PRMT9: variants seen among roughly 807,000 people sequenced by gnomAD.
PRMT9 encodes the protein protein arginine methyltransferase 9.
Under a neutral mutation model 83.2 loss-of-function variants are expected in PRMT9, and 59 were observed. That is an observed-to-expected ratio of 0.71 (90% CI 0.57 to 0.88). The LOEUF is 0.88. Among genes scored for constraint, PRMT9 ranks in the 40% least tolerant of loss-of-function variants. The probability of loss-of-function intolerance (pLI) is 0.00; values close to 1 mark genes in which losing one functional copy is unlikely to be tolerated. For synonymous variants in PRMT9, 333 were observed against 353.2 expected (o/e 0.94, Z 0.64); for missense variants, 947 against 1,021.9 (o/e 0.93, Z 1.00).
In PRMT9 at chr4:147,680,345, T is replaced by C; in HGVS notation, c.316A>G (p.Ser106Gly). Reference protein sequence around the residue: ...LFPDDEVICNSMGEHLFRMGF... With the variant: ...LFPDDEVICNGMGEHLFRMGF... Reference sequence around the variant, plus strand: ...AACCTGAAGAGATGCTCCCCCATACTATTGCAAATCACTTCATCATCAGGA... The same window carrying C: ...AACCTGAAGAGATGCTCCCCCATACCATTGCAAATCACTTCATCATCAGGA... The change falls in exon 2 of 12, where the codon AGT becomes GGT. Residue 106 changes from serine to glycine, a missense_variant. Physicochemically the swap from Ser to Gly is moderately conservative, Grantham distance 56. Coordinates refer to ENST00000322396, the MANE Select transcript of PRMT9 (RefSeq NM_138364.4). 1 of 1,614,124 alleles carries C rather than the reference T, an allele frequency of 6.2e-7. No individual in the cohort carries two copies. The highest frequency in any genetic ancestry group is 8.5e-7 in the Non-Finnish European group (1 of 1,179,970).
Position 147,673,142 on chromosome 4 carries a change from G to A in PRMT9, c.576-16C>T, listed in dbSNP as rs752172922. 1 of 1,612,826 alleles carries A rather than the reference G, an allele frequency of 6.2e-7. No individual in the cohort carries two copies. ...AGCAAACATGCTACAAGGGAAAAAA[G>A]TTCTCCATCAAGAAAAAATAATCTA... On this transcript the variant is annotated splice_polypyrimidine_tract_variant and intron_variant, in intron 3 of 11. Transcript: ENST00000322396.
chr4:147,680,249 T>G, intron 2 of PRMT9, 74 bp downstream of exon 2: 1 of 1,382,136 alleles, frequency 7.2e-7, no homozygotes, highest in East Asian at 2.3e-5. Context: ...CCTGTTAAAA[T>G]TACAGTATGA....
chr4:147,642,212 T>C (rs1484923213), intron 10 of PRMT9, among the ~76,000 whole-genome samples: 1 of 152,170 alleles, frequency 6.6e-6, no homozygotes, highest in African/African-American at 2.4e-5. Flanking sequence ...TTCTTCCATT[T>C]ATGACAGTGA....
At chr4:147,646,451 G>A (rs1171009594) in intron 9 of PRMT9, among the ~76,000 whole-genome samples, 1 of 152,076 alleles carries the variant, frequency 6.6e-6, no homozygotes, top group East Asian at 1.9e-4. Flanking sequence ...TGTAATCTAT[G>A]GGAGAAAGAG....
Position 147,638,558 on chromosome 4 carries a change from T to A in PRMT9, c.2512A>T (p.Asn838Tyr). ...LVLSIQHHKS[N>Y]VSITVKQ ...CATTGCTTTACTGTGATGCTGACATTGCTTTTGTGATGCTGAATGCTGAGT... is the reference window on the plus strand; with the variant it reads ...CATTGCTTTACTGTGATGCTGACATAGCTTTTGTGATGCTGAATGCTGAGT... The change falls in exon 12 of 12, where the codon AAT (asparagine) becomes TAT (tyrosine). Residue 838 changes from asparagine to tyrosine, a missense_variant. Transcript: ENST00000322396. 1 of 1,613,834 alleles carries A rather than the reference T, an allele frequency of 6.2e-7. No individual in the cohort carries two copies. The highest frequency in any genetic ancestry group is 8.5e-7 in the Non-Finnish European group (1 of 1,179,804).
Position 147,668,622 on chromosome 4 carries a change from A to G in PRMT9, c.870T>C (p.Cys290=), listed in dbSNP as rs778197983. ...QPKTKGESAN[C]EKYGKVIPAS... Reference sequence around the variant, plus strand: ...CTGGTATAACTTTCCCATACTTTTCACAATTAGCACTTTCACCTTTGGTCT... The same window carrying G: ...CTGGTATAACTTTCCCATACTTTTCGCAATTAGCACTTTCACCTTTGGTCT... The change falls in exon 6 of 12, where the codon TGT becomes TGC. Residue 290 remains cysteine, a synonymous_variant. Coordinates refer to ENST00000322396, the MANE Select transcript of PRMT9 (RefSeq NM_138364.4). 13 of 1,609,924 alleles carry G rather than the reference A, an allele frequency of 8.1e-6. No individual in the cohort carries two copies. In the Admixed American group the frequency reaches 2.0e-4, roughly 25 times the overall value.
At chr4:147,667,134 G>A (rs1263150661) in intron 6 of PRMT9, among the ~76,000 whole-genome samples, 3 of 152,114 alleles carry the variant, frequency 2.0e-5, no homozygotes, top group Non-Finnish European at 4.4e-5. Flanking sequence ...CTTTTCTGGT[G>A]GGCAATGCAG....
At chr4:147,661,372 C>G in intron 6 of PRMT9, 1 of 217,416 alleles carries the variant, frequency 4.6e-6, no homozygotes, top group South Asian at 1.2e-4. Context: ...AAAATTCCTA[C>G]ATATCAATAA....
intron 8 of PRMT9, among the ~76,000 whole-genome samples, chr4:147,655,366 T>C (rs1348699676): frequency 6.6e-6 from 1 of 152,128 alleles, no homozygotes; most frequent in African/African-American, 2.4e-5. Context: ...TCTTGCTATT[T>C]TACCCAGGCT....
intron 6 of PRMT9, among the ~76,000 whole-genome samples, chr4:147,666,196 T>C (rs1398170239): frequency 6.6e-6 from 1 of 152,248 alleles, no homozygotes; most frequent in Non-Finnish European, 1.5e-5. Flanking sequence ...TGCTTTGTTA[T>C]AAAAGTTGCA....
rs1361124803 is a variant in PRMT9, at chr4:147,637,851, T to G, written c.*681A>C. On this transcript the variant is annotated 3_prime_UTR_variant, in exon 12 of 12. Coordinates refer to ENST00000322396, the MANE Select transcript of PRMT9 (RefSeq NM_138364.4). ...TAAAAATTGGATCAATTAATGTACT[T>G]ATTGTACATCCAAATCAAAACTTTG... 6.6e-6 allele frequency: 1 copy of G among 152,548 alleles called. No individual in the cohort carries two copies. The highest frequency in any genetic ancestry group is 1.5e-5 in the Non-Finnish European group (1 of 68,354). The allele number at this position is 152,548 out of a possible 1,614,324, so 9.4% of individuals were successfully genotyped here.
At chr4:147,652,711 TA>T (rs1179001534) in intron 9 of PRMT9, among the ~76,000 whole-genome samples, 46 of 68,138 alleles carry the variant, frequency 6.8e-4, no homozygotes, top group Non-Finnish European at 8.9e-4. Context: ...ACCCCGTGTC[TA>T]AAAAAAAAAA....
chr4:147,640,154 C>A (rs1241197186), intron 10 of PRMT9, among the ~76,000 whole-genome samples: 3 of 142,658 alleles, frequency 2.1e-5, no homozygotes, highest in African/African-American at 7.6e-5. Context: ...CTCACTGCAA[C>A]CTCCGCTTCC....
At chr4:147,666,632 G>A (rs1735354894) in intron 6 of PRMT9, among the ~76,000 whole-genome samples, 1 of 152,020 alleles carries the variant, frequency 6.6e-6, no homozygotes, top group South Asian at 2.1e-4. Context: ...AATAAGGCAA[G>A]TTTAGTTTCC....
At chr4:147,639,902 C>T (rs1733266527) in intron 10 of PRMT9, among the ~76,000 whole-genome samples, 2 of 151,852 alleles carry the variant, frequency 1.3e-5, no homozygotes, top group African/African-American at 4.8e-5. Flanking sequence ...TCTAAGACTC[C>T]TTGTTATGCC....
intron 9 of PRMT9, among the ~76,000 whole-genome samples, chr4:147,651,069 G>T (rs1341710764): frequency 6.6e-6 from 1 of 151,890 alleles, no homozygotes; most frequent in African/African-American, 2.4e-5. Context: ...CGCCACTGCA[G>T]TCTGGCCTGG....
intron 2 of PRMT9, among the ~76,000 whole-genome samples, chr4:147,677,650 T>C (rs13115083): frequency 1.3e-5 from 2 of 152,032 alleles, no homozygotes; most frequent in Admixed American, 1.3e-4. Context: ...AGAAACAGGG[T>C]TGCACTATGT....
intron 10 of PRMT9, 68 bp downstream of exon 10, chr4:147,642,719 G>A (rs1733483915): frequency 7.5e-7 from 1 of 1,332,790 alleles, no homozygotes; most frequent in Non-Finnish European, 1.1e-6. Context: ...ATTAAACAGT[G>A]ACTAAAGAGA....
chr4:147,643,927 C>T (rs1279739485), intron 9 of PRMT9, among the ~76,000 whole-genome samples: 1 of 152,136 alleles, frequency 6.6e-6, no homozygotes, highest in African/African-American at 2.4e-5. Flanking sequence ...AGGAGGTCCA[C>T]ATTGCAGTGA....
Sources: allele counts gnomAD v4.1 joint callset (sites outside exome capture counted in the v4.1 genomes callset), GRCh38; gene constraint gnomAD v4.1.1; transcripts MANE v1.5; gene names NCBI Gene and HGNC (gene_info 2026-07-23, HGNC 2026-07-21).